SLC37A1: variants seen among roughly 807,000 people sequenced by gnomAD.
The protein encoded by SLC37A1 is glucose-6-phosphate exchanger SLC37A1.
Under a neutral mutation model 75.3 loss-of-function variants are expected in SLC37A1, and 49 were observed. The ratio of observed to expected loss-of-function variants is 0.65; its 90% CI spans 0.52 to 0.83. SLC37A1 has a LOEUF of 0.83. SLC37A1 is among the 40% of genes least tolerant of loss of function. The pLI is 0.00. For missense variants in SLC37A1, 566 were observed against 695.0 expected (o/e 0.81, Z 2.09); for synonymous variants, 268 against 292.1 (o/e 0.92, Z 0.84).
rs556172030 is a variant in SLC37A1 at position 42,568,388 on chromosome 21, C to T, written c.1373C>T (p.Ala458Val). The change falls in exon 17 of 20, where the codon GCG becomes GTG. Residue 458 changes from alanine (A) to valine (V), a missense_variant. Physicochemically the swap from Ala to Val is moderately conservative, Grantham distance 64 (BLOSUM62 0). Transcript: ENST00000352133. Reference protein sequence around the residue: ...LGTHKSLKGNAHALSTVTAII... With the variant: ...LGTHKSLKGNVHALSTVTAII... ...ACTCATAAAAGTCTGAAAGGCAACG[C>T]GCACGCCCTCTCCACCGTGACGGCC... is the stretch of plus-strand genomic sequence containing the variant. 2.2e-5 allele frequency: 36 copies of T among 1,614,122 alleles called. 2 individuals carry two copies. In the South Asian group the frequency reaches 3.3e-4, roughly 15 times the overall value.
At chr21:42,550,156 T>C (rs889031364) in intron 9 of SLC37A1, among the ~76,000 whole-genome samples, 2 of 152,064 alleles carry the variant, frequency 1.3e-5, no homozygotes, top group African/African-American at 4.8e-5. Flanking sequence ...AGAAAAACAG[T>C]AGAGAAAATC....
chr21:42,559,781 C>A (rs980896984), intron 11 of SLC37A1, among the ~76,000 whole-genome samples: 26 of 150,928 alleles, frequency 1.7e-4, no homozygotes, highest in African/African-American at 6.3e-4. Flanking sequence ...GAGGCTGAGG[C>A]GGGAGAATCG....
intron 2 of SLC37A1, among the ~76,000 whole-genome samples, chr21:42,525,184 G>T (rs2054752478): frequency 6.6e-6 from 1 of 152,240 alleles, no homozygotes; most frequent in Non-Finnish European, 1.5e-5. Flanking sequence ...TCATCTGTAT[G>T]TATTCTTTGT....
At position 42,565,872 on chromosome 21, in the gene SLC37A1, A is replaced by G. The variant is rs372412272; in HGVS notation, c.1267A>G (p.Ile423Val). ...CAGCAAGATGGGGCTTGAGGCCACCATCGGTGAGTATGGAGGCCTTCCTGC... is the reference window on the plus strand; with the variant it reads ...CAGCAAGATGGGGCTTGAGGCCACCGTCGGTGAGTATGGAGGCCTTCCTGC... The part of the protein sequence containing the change: ...TVSKMGLEAT[I>V]AMLLLSGALV... Residue 423 changes from isoleucine (I) to valine (V), a missense_variant, in exon 15 of 20, where the codon ATC becomes GTC. Physicochemically the swap from Ile to Val is conservative, Grantham distance 29. Coordinates refer to ENST00000352133, the MANE Select transcript of SLC37A1 (RefSeq NM_001320537.2). 6.3e-5 allele frequency: 102 copies of G among 1,613,988 alleles called. No homozygotes were observed. The highest frequency in any genetic ancestry group is 8.1e-5 in the Non-Finnish European group (95 of 1,179,904).
Position 42,574,900 on chromosome 21 carries a change from T to C in SLC37A1, c.1506T>C (p.Asp502=). 1.9e-6 allele frequency: 3 copies of C among 1,614,188 alleles called. No individual in the cohort carries two copies. The highest frequency in any genetic ancestry group is 1.1e-5 in the South Asian group (1 of 91,082). ...SNVFYMLMFA[D]ACALLFLIRL... The stretch of plus-strand genomic sequence containing the variant: ...TGTTTTACATGCTGATGTTTGCAGA[T>C]GCCTGTGCCTTACTGGTAAGTCGGC... Residue 502 remains aspartate, a synonymous_variant, in exon 18 of 20, where the codon GAT becomes GAC. Coordinates refer to ENST00000352133, the MANE Select transcript of SLC37A1 (RefSeq NM_001320537.2).
intron 9 of SLC37A1, among the ~76,000 whole-genome samples, chr21:42,551,300 C>T (rs2055551302): frequency 6.6e-6 from 1 of 152,214 alleles, no homozygotes; most frequent in Non-Finnish European, 1.5e-5. Flanking sequence ...AAGGCCGTTT[C>T]ATTTACAATA....
rs1375399291 is a variant in SLC37A1 at position 42,548,502 on chromosome 21, T to A, written c.768+1362T>A. On this transcript the variant is annotated intron_variant, in intron 9 of 19. Coordinates refer to ENST00000352133, the MANE Select transcript of SLC37A1 (RefSeq NM_001320537.2). The surrounding 1 kb of genome is among the most constrained non-coding windows in gnomAD (Gnocchi z 5.6). Reference sequence around the variant, plus strand: ...GCACCCCATCCTTGGCCATGTTCTGTCAGTTCTGCTCTGTTCTGTGAGGGG... The same window carrying A: ...GCACCCCATCCTTGGCCATGTTCTGACAGTTCTGCTCTGTTCTGTGAGGGG... Among the ~76,000 whole-genome samples, 1 of 151,992 alleles carries A rather than the reference T, an allele frequency of 6.6e-6. No individual in the cohort carries two copies. The highest frequency in any genetic ancestry group is 1.5e-5 in the Non-Finnish European group (1 of 67,984).
intron 5 of SLC37A1, among the ~76,000 whole-genome samples, chr21:42,537,210 T>C (rs1430304627): frequency 1.3e-5 from 2 of 152,190 alleles, no homozygotes; most frequent in Non-Finnish European, 2.9e-5. Flanking sequence ...CTGCAGAACT[T>C]GTCTAAGTGA....
In SLC37A1 at chr21:42,514,605, A is replaced by C. The variant is rs545279261; in HGVS notation, c.-291A>C. 10 of 152,356 alleles carry C rather than the reference A, an allele frequency of 6.6e-5. No individual in the cohort carries two copies. The highest frequency in any genetic ancestry group is 2.4e-4 in the African/African-American group (10 of 41,590). The allele number at this position is 152,356 out of a possible 1,614,324, so 9.4% of individuals were successfully genotyped here. On this transcript the variant is annotated 5_prime_UTR_variant, in exon 1 of 20. Coordinates refer to ENST00000352133, the MANE Select transcript of SLC37A1 (RefSeq NM_001320537.2). This position sits in a 1 kb window ranked among gnomAD's most constrained non-coding sequence, Gnocchi z 4.8. ...GGGCCTCCTGGCCAATGCGAGTGAC[A>C]GCGACCTTCTGGGTTTATAATAAAG...
At chr21:42,527,412 C>T (rs957047250) in intron 3 of SLC37A1, among the ~76,000 whole-genome samples, 3 of 152,066 alleles carry the variant, frequency 2.0e-5, no homozygotes, top group African/African-American at 7.3e-5. Context: ...CCCTGACTCT[C>T]GTGTGTAGTG....
chr21:42,547,259 C>G lies in SLC37A1; in HGVS notation c.768+119C>G, dbSNP rs937541437. 9.2e-7 allele frequency: 1 copy of G among 1,090,144 alleles called. No homozygotes were observed. Among genetic ancestry groups the G allele is most frequent in the Non-Finnish European group, 1.4e-6 (1 of 718,762 alleles). 67.5% of individuals were successfully genotyped at this position (1,090,144 alleles called of 1,614,324 possible). Reference sequence around the variant, plus strand: ...CACACAGGGTAGACAGAAGTCCCACCCTCAAAACATTGGCAGTTCTAGGAA... The same window carrying G: ...CACACAGGGTAGACAGAAGTCCCACGCTCAAAACATTGGCAGTTCTAGGAA... On this transcript the variant is annotated intron_variant, in intron 9 of 19. Transcript: ENST00000352133. The surrounding 1 kb of genome is among the most constrained non-coding windows in gnomAD (Gnocchi z 6.1).
At position 42,564,771 on chromosome 21, in the gene SLC37A1, T is replaced by C; in HGVS notation, c.1199T>C (p.Met400Thr). 1 of 1,607,848 alleles carries C rather than the reference T, an allele frequency of 6.2e-7. No individual in the cohort carries two copies. The highest frequency in any genetic ancestry group is 1.1e-5 in the South Asian group (1 of 91,084). Residue 400 changes from methionine (M) to threonine (T), a missense_variant, in exon 14 of 20, where the codon ATG (methionine) becomes ACG (threonine). Physicochemically the swap from Met to Thr is moderately conservative, Grantham distance 81. Transcript: ENST00000352133. ...LEKRASTCGL[M>T]LLLAAPTLYI... is the part of the protein sequence containing the mutation. ...AAAAGGGCCTCCACCTGCGGCCTGA[T>C]GCTGCTGCTCGCGGCCCCCACGGTC...
At chr21:42,559,486 C>A (rs117490654) in intron 11 of SLC37A1, among the ~76,000 whole-genome samples, 1 of 152,226 alleles carries the variant, frequency 6.6e-6, no homozygotes, top group Non-Finnish European at 1.5e-5. Flanking sequence ...AGTGCACTTG[C>A]CCTCCCACAG....
intron 19 of SLC37A1, among the ~76,000 whole-genome samples, chr21:42,580,083 G>A (rs924513488): frequency 2.0e-5 from 3 of 150,998 alleles, no homozygotes; most frequent in Admixed American, 6.6e-5. Flanking sequence ...CTTCCTGCTC[G>A]CCCCCTTCTC....
At chr21:42,513,693 C>T (rs1397356851), upstream of SLC37A1, among the ~76,000 whole-genome samples, 2 of 149,022 alleles carry the variant, frequency 1.3e-5, no homozygotes, top group African/African-American at 4.9e-5. Context: ...CGCCCCCGCC[C>T]GGTGGCCCCG....
intron 17 of SLC37A1, among the ~76,000 whole-genome samples, chr21:42,569,715 G>A (rs921383941): frequency 6.6e-6 from 1 of 152,276 alleles, no homozygotes; most frequent in East Asian, 1.9e-4. Flanking sequence ...GGGATTCGGT[G>A]CACTCCTCTG....
chr21:42,556,729 T>C (rs2055700896), intron 10 of SLC37A1, among the ~76,000 whole-genome samples: 1 of 152,216 alleles, frequency 6.6e-6, no homozygotes, highest in Admixed American at 6.5e-5. Flanking sequence ...CAGCCTTGTC[T>C]TGGTCCACCC....
At chr21:42,563,610 G>GA (rs1360218971) in intron 12 of SLC37A1, among the ~76,000 whole-genome samples, 1 of 152,226 alleles carries the variant, frequency 6.6e-6, no homozygotes, top group Non-Finnish European at 1.5e-5. Flanking sequence ...CTGAGCAGAG[G>GA]AAAGCCACGG....
At chr21:42,502,810 G>C (rs2054352457) in intron 2 of SLC37A1, 1 of 152,120 alleles carries the variant, frequency 6.6e-6, no homozygotes, top group African/African-American at 2.4e-5. Flanking sequence ...GCCTCCCTAA[G>C]CACCTCCCAA....
Sources: gnomAD v4.1 joint callset for allele counts (sites outside exome capture counted in the v4.1 genomes callset) on GRCh38, gnomAD v4.1.1 for gene constraint, Gnocchi (gnomAD v3.1) non-coding constraint, MANE v1.5 for transcripts, NCBI Gene and HGNC (gene_info 2026-07-23, HGNC 2026-07-21) for gene names.